The following TEX29 variants were observed in gnomAD, a reference collection of about 807,000 sequenced individuals.
The protein encoded by TEX29 is testis expressed 29.
TEX29 carries 26 observed loss-of-function variants against 18.2 expected under a neutral mutation model. The observed-to-expected ratio is 1.43, with a 90% CI of 1.04 to 1.98. The LOEUF is 1.98. Ranked by LOEUF, TEX29 falls within the 30% of genes most tolerant of loss-of-function variation. TEX29 has a pLI of 0.00. For missense variants in TEX29, 177 were observed against 194.2 expected (o/e 0.91, Z 0.53); for synonymous variants, 83 against 78.5 (o/e 1.06, Z -0.31).
chr13:111,321,632 A>AAT (rs1003215952), intron 2 of TEX29, among the ~76,000 whole-genome samples: 1 of 152,084 alleles, frequency 6.6e-6, no homozygotes, highest in African/African-American at 2.4e-5. Flanking sequence ...AAACAAAAAA[A>AAT]AACCCAAGAA....
intron 4 of TEX29, 126 bp downstream of exon 4, chr13:111,340,058 G>T (rs567287645): frequency 1.2e-6 from 1 of 825,150 alleles, no homozygotes; most frequent in Non-Finnish European, 2.0e-6. Flanking sequence ...ACAGCTCTCC[G>T]TGAGCCTGGG....
intron 2 of TEX29, among the ~76,000 whole-genome samples, chr13:111,323,732 C>T (rs965542646): frequency 2.7e-5 from 4 of 148,164 alleles, no homozygotes; most frequent in South Asian, 2.2e-4. Flanking sequence ...CACAGGGATC[C>T]GTGGCCCTGC....
In TEX29 at chr13:111,342,936, G is replaced by C. The variant is rs2093699037; in HGVS notation, c.415+5G>C. On this transcript the variant is annotated splice_donor_5th_base_variant and intron_variant, in intron 5 of 5. Coordinates refer to ENST00000283547, the MANE Select transcript of TEX29 (RefSeq NM_152324.3). The stretch of plus-strand genomic sequence containing the variant: ...GTGACGAGGATAAGGATGATGGTGA[G>C]AAGCTTCTGGAATGATCCTCAGCCT... 2 of 1,612,810 alleles carry C rather than the reference G, an allele frequency of 1.2e-6. No individual in the cohort carries two copies.
chr13:111,334,331 T>G (rs1308629327), intron 3 of TEX29, among the ~76,000 whole-genome samples: 2 of 152,214 alleles, frequency 1.3e-5, no homozygotes, highest in East Asian at 3.9e-4. Flanking sequence ...CACTAAAAAG[T>G]CTTCTTGGGT....
chr13:111,332,111 G>A (rs962467956), intron 3 of TEX29, among the ~76,000 whole-genome samples: 13 of 152,162 alleles, frequency 8.5e-5, no homozygotes, highest in Non-Finnish European at 1.9e-4. Context: ...GATTGGGGTT[G>A]TGTTGAATCT....
At chr13:111,334,582 C>G (rs548589460) in intron 3 of TEX29, among the ~76,000 whole-genome samples, 4 of 152,342 alleles carry the variant, frequency 2.6e-5, no homozygotes, top group Admixed American at 2.6e-4. Context: ...CCTCTAGATT[C>G]CCAGGAATGT....
At chr13:111,320,813 A>G (rs1256177147) in intron 1 of TEX29, 44 bp from the exon 2 acceptor site, 2 of 1,590,348 alleles carry the variant, frequency 1.3e-6, no homozygotes, top group Non-Finnish European at 1.7e-6. Context: ...TCCCCAAACG[A>G]CGTCCCCAGG....
At chr13:111,320,124 C>G (rs972214999), upstream of TEX29, among the ~76,000 whole-genome samples, 1 of 152,220 alleles carries the variant, frequency 6.6e-6, no homozygotes, top group Non-Finnish European at 1.5e-5. Context: ...CCAGACACAC[C>G]TTCCTCCCTG....
At chr13:111,337,043 G>A (rs8181832) in intron 3 of TEX29, among the ~76,000 whole-genome samples, 1 of 152,040 alleles carries the variant, frequency 6.6e-6, no homozygotes, top group African/African-American at 2.4e-5. Context: ...ATTTCCTGGA[G>A]TTCAAGAATT....
intron 2 of TEX29, among the ~76,000 whole-genome samples, chr13:111,322,781 T>G (rs1297974998): frequency 6.6e-6 from 1 of 152,242 alleles, no homozygotes; most frequent in Non-Finnish European, 1.5e-5. Context: ...GTGGCGTGGC[T>G]GTTTTGCAAC....
chr13:111,326,182 T>A (rs2093672606), intron 2 of TEX29, among the ~76,000 whole-genome samples: 1 of 152,224 alleles, frequency 6.6e-6, no homozygotes, highest in Non-Finnish European at 1.5e-5. Flanking sequence ...TGCTGGCTGG[T>A]GTCTGCTGGG....
upstream of TEX29, among the ~76,000 whole-genome samples, chr13:111,317,736 G>A (rs544019689): frequency 2.8e-4 from 43 of 152,324 alleles, no homozygotes; most frequent in South Asian, 4.3e-3. Flanking sequence ...AAGTCAGGAC[G>A]TGGGCCGAGG....
intron 3 of TEX29, among the ~76,000 whole-genome samples, chr13:111,333,731 A>C (rs369623007): frequency 3.3e-5 from 5 of 151,720 alleles, no homozygotes; most frequent in Non-Finnish European, 4.4e-5. Context: ...CAATCATGCC[A>C]GAAGGCAAAG....
Position 111,344,148 on chromosome 13 carries a change from T to C in TEX29, c.*25T>C. On this transcript the variant is annotated 3_prime_UTR_variant, in exon 6 of 6. Transcript: ENST00000283547. ...ACTGAGACGCATGAAGAAGTGGAGATTGTCAGAATTATCCAAATGAAATGG... is the reference window on the plus strand; with the variant it reads ...ACTGAGACGCATGAAGAAGTGGAGACTGTCAGAATTATCCAAATGAAATGG... 1 of 1,604,912 alleles carries C rather than the reference T, an allele frequency of 6.2e-7. No homozygotes were observed. The highest frequency in any genetic ancestry group is 2.2e-5 in the East Asian group (1 of 44,832).
chr13:111,340,168 T>G (rs1411394258), intron 4 of TEX29, among the ~76,000 whole-genome samples: 2 of 150,744 alleles, frequency 1.3e-5, no homozygotes, highest in African/African-American at 4.9e-5. Flanking sequence ...CTGTGCTTGT[T>G]GATGAAAATC....
intron 5 of TEX29, among the ~76,000 whole-genome samples, 186 bp downstream of exon 5, chr13:111,343,117 G>T (rs1566322714): frequency 6.6e-6 from 1 of 152,214 alleles, no homozygotes; most frequent in East Asian, 1.9e-4. Flanking sequence ...GGTGGATGTG[G>T]CTGTCAGTGT....
intron 3 of TEX29, among the ~76,000 whole-genome samples, chr13:111,332,708 T>G (rs2093684404): frequency 2.6e-5 from 4 of 152,222 alleles, no homozygotes; most frequent in South Asian, 2.1e-4. Flanking sequence ...AAGATACAAC[T>G]TGGAAACACA....
chr13:111,317,673 AC>A (rs2153640941), upstream of TEX29, among the ~76,000 whole-genome samples: 1 of 152,344 alleles, frequency 6.6e-6, no homozygotes, highest in South Asian at 2.1e-4. Flanking sequence ...AGCAGCACCG[AC>A]ATGGCGCCAA....
intron 3 of TEX29, among the ~76,000 whole-genome samples, chr13:111,336,700 G>A (rs1022699412): frequency 1.3e-5 from 2 of 152,320 alleles, no homozygotes; most frequent in South Asian, 2.1e-4. Flanking sequence ...TTACCAAGAC[G>A]TTTCTTAAAG....
Sources: allele counts gnomAD v4.1 joint callset (sites outside exome capture counted in the v4.1 genomes callset), GRCh38; gene constraint gnomAD v4.1.1; transcripts MANE v1.5; gene names NCBI Gene and HGNC (gene_info 2026-07-23, HGNC 2026-07-21).